The following C3orf52 variants were observed in gnomAD, a reference collection of about 807,000 sequenced individuals.
The protein encoded by C3orf52 is chromosome 3 open reading frame 52, also known as TPA-induced transmembrane protein.
A neutral mutation model predicts 24.8 loss-of-function variants in C3orf52; 22 were observed. That is an observed-to-expected ratio of 0.89 (90% CI 0.63 to 1.27). C3orf52 has a LOEUF of 1.27. Among genes scored for constraint, C3orf52 ranks in the 50% most tolerant of loss-of-function variants. The pLI is 0.00. For synonymous variants in C3orf52, 93 were observed against 100.2 expected, an observed-to-expected ratio of 0.93 and a Z score of 0.43; for missense variants, 265 against 260.7, an observed-to-expected ratio of 1.02 and a Z score of -0.11.
chr3:112,120,924 C>T (rs2107794878), downstream of C3orf52: 1 of 152,214 alleles, frequency 6.6e-6, no homozygotes, highest in Admixed American at 6.5e-5. Flanking sequence ...AATTTTTTAA[C>T]TCTTTTTTTG....
intron 4 of C3orf52, among the ~76,000 whole-genome samples, chr3:112,124,870 A>G (rs1240906079): frequency 6.6e-6 from 1 of 152,136 alleles, no homozygotes; most frequent in Non-Finnish European, 1.5e-5. Flanking sequence ...ATTGTCACTT[A>G]ATCTCTCAGT....
At position 112,097,272 on chromosome 3, in the gene C3orf52, T is replaced by C. The variant is rs369687723; in HGVS notation, c.268+3783T>C. 4.6e-5 allele frequency among the ~76,000 whole-genome samples: 7 copies of C among 152,206 alleles called. No homozygotes were observed. The East Asian group carries it at 1.3e-3, about 29-fold the overall frequency. On this transcript the variant is annotated intron_variant, in intron 2 of 5. Coordinates refer to ENST00000264848, the MANE Select transcript of C3orf52 (RefSeq NM_024616.3). ...GAGACCCTGAATAACACTTTACTAA[T>C]GAAGTTTTGGTTGGGGCAAAATATT... is the stretch of plus-strand genomic sequence containing the variant.
At chr3:112,130,285 C>G, downstream of C3orf52, 1 of 675,274 alleles carries the variant, frequency 1.5e-6, no homozygotes, top group East Asian at 2.5e-5. Context: ...CCAAAGTTTT[C>G]AAGCATTTTA....
At chr3:112,102,567 T>C (rs968986080) in intron 2 of C3orf52, among the ~76,000 whole-genome samples, 1 of 152,160 alleles carries the variant, frequency 6.6e-6, no homozygotes, top group African/African-American at 2.4e-5. Flanking sequence ...CCTACTCCCT[T>C]GGGCCCTTTC....
At chr3:112,091,733 G>A (rs2073878696) in intron 1 of C3orf52, among the ~76,000 whole-genome samples, 1 of 152,302 alleles carries the variant, frequency 6.6e-6, no homozygotes. Context: ...GGCCAGTCGC[G>A]GTGGCTCATG....
rs1239646337 is a variant in C3orf52, at chr3:112,113,086, A to G, written c.590A>G (p.Asp197Gly). ...VLGILLQDFR[D>G]QNIPGCESLG... ...GGCATTTTGCTACAGGATTTCCGTG[A>G]TCAGAATATACCTGGTTGTGAGAGT... The change falls in exon 5 of 6, where the codon GAT becomes GGT. Residue 197 changes from aspartate (D) to glycine (G), a missense_variant. By Grantham distance (94) the Asp-to-Gly change is moderately conservative. Transcript: ENST00000264848. 1 of 1,611,446 alleles carries G rather than the reference A, an allele frequency of 6.2e-7. No homozygotes were observed. Among genetic ancestry groups the G allele is most frequent in the Non-Finnish European group, 8.5e-7 (1 of 1,178,968 alleles).
chr3:112,126,378 T>C (rs185966369), intron 4 of C3orf52, among the ~76,000 whole-genome samples: 124 of 152,304 alleles, frequency 8.1e-4, no homozygotes, highest in Non-Finnish European at 1.5e-3. Context: ...CTTATTTTTA[T>C]TTTTAGGTGT....
At chr3:112,096,329 G>A (rs78136221) in intron 2 of C3orf52, among the ~76,000 whole-genome samples, 6,129 of 152,256 alleles carry the variant, frequency 0.04, 156 homozygotes, top group South Asian at 0.069. Context: ...AGAGGAGATG[G>A]TGCATTCCTG....
chr3:112,120,629 C>T (rs972499895), downstream of C3orf52, among the ~76,000 whole-genome samples: 10 of 152,046 alleles, frequency 6.6e-5, no homozygotes, highest in South Asian at 2.1e-4. Context: ...ATTTGTGGCT[C>T]GAGAGAGTAA....
intron 1 of C3orf52, among the ~76,000 whole-genome samples, chr3:112,092,232 A>G (rs1041944598): frequency 1.1e-4 from 17 of 152,142 alleles, no homozygotes; most frequent in African/African-American, 3.6e-4. Context: ...GAGCTAATTT[A>G]CTATTTATAT....
rs534891323 is a variant in C3orf52 at position 112,086,998 on chromosome 3, A to G, written c.138+453A>G. Among the ~76,000 whole-genome samples, 174 of 150,236 alleles carry G rather than the reference A, an allele frequency of 1.2e-3. 1 individual carries two copies. The highest frequency in any genetic ancestry group is 4.2e-3 in the African/African-American group (171 of 40,764). On this transcript the variant is annotated intron_variant, in intron 1 of 5. Transcript: ENST00000264848. ...CCACTTCTCTCCCTCCCCTCCACCCACCTCGCCGCAGCCCCCAGCCTTCTT... is the reference window on the plus strand; with the variant it reads ...CCACTTCTCTCCCTCCCCTCCACCCGCCTCGCCGCAGCCCCCAGCCTTCTT...
In C3orf52 at chr3:112,116,699, A is replaced by G. The variant is rs768403200; in HGVS notation, c.*53A>G. On this transcript the variant is annotated 3_prime_UTR_variant, in exon 6 of 6. Transcript: ENST00000264848. The stretch of plus-strand genomic sequence containing the variant: ...AGCAGTGCTCTACCAAGTCCTGGAG[A>G]TGAAGGGAATTCACTCTGTTTTGCA... 3.8e-6 allele frequency: 6 copies of G among 1,582,210 alleles called. No homozygotes were observed. In the African/African-American group the frequency reaches 6.7e-5, roughly 18 times the overall value.
intron 3 of C3orf52, among the ~76,000 whole-genome samples, chr3:112,107,853 G>A (rs754790087): frequency 1.3e-5 from 2 of 152,232 alleles, no homozygotes; most frequent in Admixed American, 6.5e-5. Flanking sequence ...GGTTGTACAT[G>A]TTGAGTTAAA....
intron 5 of C3orf52, among the ~76,000 whole-genome samples, chr3:112,116,141 G>T (rs146474542): frequency 4.6e-5 from 7 of 152,164 alleles, no homozygotes; most frequent in Non-Finnish European, 1.5e-5. Context: ...AGTGAATCTT[G>T]TCAGTCCTGT....
chr3:112,123,283 T>G, intron 4 of C3orf52: 1 of 1,213,704 alleles, frequency 8.2e-7, no homozygotes, highest in Non-Finnish European at 1.1e-6. Context: ...ATCTTTAGAT[T>G]TTGGCTTTTG....
downstream of C3orf52, chr3:112,119,514 TAAG>T (rs758793596): frequency 3.1e-5 from 22 of 702,886 alleles, no homozygotes; most frequent in East Asian, 5.4e-5. Flanking sequence ...GGGATTTGAA[TAAG>T]AAGATTTGCC....
chr3:112,132,841 G>A (rs2074489662), downstream of C3orf52: 2 of 462,012 alleles, frequency 4.3e-6, no homozygotes, highest in Non-Finnish European at 3.6e-6. Context: ...GACCTTCCTT[G>A]GTAAAGTCTT....
intron 1 of C3orf52, among the ~76,000 whole-genome samples, chr3:112,090,319 A>C: frequency 8.1e-6 from 1 of 122,992 alleles, no homozygotes; most frequent in Non-Finnish European, 1.6e-5. Flanking sequence ...CATTTGAGAG[A>C]GTCTCACTCC....
At position 112,112,956 on chromosome 3, in the gene C3orf52, C is replaced by G; in HGVS notation, c.468-8C>G. The G allele has an allele frequency of 6.2e-7, 1 of 1,601,818 alleles. No homozygotes were observed. The highest frequency in any genetic ancestry group is 8.5e-7 in the Non-Finnish European group (1 of 1,173,082). ...GTTTATGTTTTAATGTCTTCCATTG[C>G]CTTTCAGTGGTGAAAATGCCACAGT... On this transcript the variant is annotated splice_polypyrimidine_tract_variant and splice_region_variant and intron_variant, in intron 4 of 5. Coordinates refer to ENST00000264848, the MANE Select transcript of C3orf52 (RefSeq NM_024616.3).
Sources: gnomAD v4.1 joint callset for allele counts (sites outside exome capture counted in the v4.1 genomes callset) on GRCh38, gnomAD v4.1.1 for gene constraint, MANE v1.5 for transcripts, NCBI Gene and HGNC (gene_info 2026-07-23, HGNC 2026-07-21) for gene names.